The following SLF2 variants were observed in gnomAD, a reference collection of about 807,000 sequenced individuals.
The protein encoded by SLF2 is SMC5/6 complex localization factor 2, also known as SMC5-SMC6 complex localization factor protein 2.
Under a neutral mutation model 124.3 loss-of-function variants are expected in SLF2, and 68 were observed. The ratio of observed to expected loss-of-function variants is 0.55; its 90% CI spans 0.45 to 0.67. The LOEUF is 0.67. Among genes scored for constraint, SLF2 ranks in the 30% least tolerant of loss-of-function variants. The probability of loss-of-function intolerance (pLI) is 0.00; values close to 1 mark genes in which losing one functional copy is unlikely to be tolerated. For synonymous variants in SLF2, 480 were observed against 478.8 expected, an observed-to-expected ratio of 1.00 and a Z score of -0.03; for missense variants, 1,246 against 1,373.7, an observed-to-expected ratio of 0.91 and a Z score of 1.47.
intron 11 of SLF2, chr10:100,943,634 T>C (rs1047793126): frequency 6.4e-6 from 1 of 155,232 alleles, no homozygotes; most frequent in Admixed American, 6.5e-5. Context: ...CTTTTACCTA[T>C]TATGAATTCT....
chr10:100,919,737 G>A (rs1004340919), intron 4 of SLF2, among the ~76,000 whole-genome samples: 12 of 152,218 alleles, frequency 7.9e-5, no homozygotes, highest in Admixed American at 2.6e-4. Context: ...CATTGGACAC[G>A]ATAATAATAG....
chr10:100,958,005 C>T (rs1564786479), intron 18 of SLF2, among the ~76,000 whole-genome samples: 2 of 151,964 alleles, frequency 1.3e-5, no homozygotes, highest in Admixed American at 6.6e-5. Flanking sequence ...GCTGAGATCT[C>T]GACACTGCAC....
At position 100,947,841 on chromosome 10, in the gene SLF2, T is replaced by C; in HGVS notation, c.3114T>C (p.Asn1038=). The change falls in exon 15 of 20, where the codon AAT becomes AAC. Residue 1038 remains asparagine (N), a synonymous_variant. Coordinates refer to ENST00000238961, the MANE Select transcript of SLF2 (RefSeq NM_018121.4). ...ACGAAGATGTTCCTAATGCCAGTAA[T>C]CTGCAGGTATAAATAAATACATTTT... The part of the protein sequence containing the change: ...EKHEDVPNAS[N]LQVSVLHRYL... 1 of 1,606,880 alleles carries C rather than the reference T, an allele frequency of 6.2e-7. No individual in the cohort carries two copies. The highest frequency in any genetic ancestry group is 8.5e-7 in the Non-Finnish European group (1 of 1,174,826).
chr10:100,935,967 T>TC (rs1203367165), intron 9 of SLF2, among the ~76,000 whole-genome samples: 2 of 144,000 alleles, frequency 1.4e-5, no homozygotes, highest in African/African-American at 2.6e-5. Flanking sequence ...CAAGTGATCC[T>TC]CCCCCCTCAG....
chr10:100,954,639 T>G (rs950526576), intron 17 of SLF2, among the ~76,000 whole-genome samples: 3 of 152,126 alleles, frequency 2.0e-5, no homozygotes, highest in African/African-American at 7.2e-5. Context: ...AAAGGTTATC[T>G]TGTTCCTATA....
intron 1 of SLF2, chr10:100,913,691 T>A (rs1341167322): frequency 2.0e-6 from 2 of 1,001,032 alleles, no homozygotes; most frequent in Admixed American, 1.2e-4. Flanking sequence ...ACGAATTACT[T>A]TGTAGTCCAG....
chr10:100,939,457 C>T (rs1351627876), intron 11 of SLF2, among the ~76,000 whole-genome samples: 1 of 151,750 alleles, frequency 6.6e-6, no homozygotes, highest in East Asian at 1.9e-4. Flanking sequence ...GCGGGCGGAT[C>T]ACTTGAGGTC....
chr10:100,959,673 T>C (rs1015270916), intron 19 of SLF2, 177 bp downstream of exon 19: 2 of 1,149,322 alleles, frequency 1.7e-6, no homozygotes. Context: ...GTTTGCTTTA[T>C]ATTCATTAAT....
rs564241715 is a variant in SLF2 at position 100,959,735 on chromosome 10, G to A, written c.3486+239G>A. On this transcript the variant is annotated intron_variant, in intron 19 of 19. Coordinates refer to ENST00000238961, the MANE Select transcript of SLF2 (RefSeq NM_018121.4). The stretch of plus-strand genomic sequence containing the variant: ...TTAAAAATATTGCATTGCATCAAAT[G>A]GAGGTTATTCAATTAAGAGCATTTT... The A allele has an allele frequency of 1.1e-4, 71 of 617,610 alleles. 1 individual carries two copies. The South Asian group carries it at 2.3e-3, about 20-fold the overall frequency. The allele number at this position is 617,610 out of a possible 1,614,324, so 38.3% of individuals were successfully genotyped here.
intron 11 of SLF2, chr10:100,943,768 C>A: frequency 3.0e-6 from 1 of 328,782 alleles, no homozygotes. Context: ...TAGTGTTTGC[C>A]TTGAGTCAGG....
At chr10:100,918,467 T>C in intron 4 of SLF2, 26 bp downstream of exon 4, 1 of 1,476,654 alleles carries the variant, frequency 6.8e-7, no homozygotes. Context: ...AATTTATGGA[T>C]TTCTAAATAA....
rs1564780959 is a variant in SLF2, at chr10:100,944,263, G to GGA, written c.2757+136_2757+137insAG. The stretch of plus-strand genomic sequence containing the variant: ...GTAATCCCAGCACTTTGGGAGGCCA[G>GGA]GGCGGGCAGATCACAAGGTCAGGAG... On this transcript the variant is annotated intron_variant, in intron 12 of 19. Transcript: ENST00000238961. 2.0e-5 allele frequency: 10 copies of GGA among 506,214 alleles called. No individual in the cohort carries two copies. In the East Asian group the frequency reaches 3.6e-4, roughly 18 times the overall value. The allele number at this position is 506,214 out of a possible 1,614,324, so 31.4% of individuals were successfully genotyped here.
chr10:100,935,681 A>G (rs990931114), intron 9 of SLF2, among the ~76,000 whole-genome samples: 1 of 150,696 alleles, frequency 6.6e-6, no homozygotes, highest in Admixed American at 6.6e-5. Context: ...CTCTGTCTCA[A>G]AAAAAAAAGG....
Position 100,944,092 on chromosome 10 carries a change from A to C in SLF2, c.2721A>C (p.Ser907=), listed in dbSNP as rs372163588. 1 of 1,612,770 alleles carries C rather than the reference A, an allele frequency of 6.2e-7. No homozygotes were observed. Residue 907 remains serine, a synonymous_variant, in exon 12 of 20, where the codon TCA becomes TCC. Coordinates refer to ENST00000238961, the MANE Select transcript of SLF2 (RefSeq NM_018121.4). ...ATTCATCTTATAAGCCAATTTTTTCAACACTTCCTGAAACCAACATTTTAA... is the reference window on the plus strand; with the variant it reads ...ATTCATCTTATAAGCCAATTTTTTCCACACTTCCTGAAACCAACATTTTAA... ...SEDSSYKPIF[S]TLPETNILNV... is the part of the protein sequence containing the mutation.
chr10:100,947,826 T>G lies in SLF2; in HGVS notation c.3099T>G (p.Val1033=). The part of the protein sequence containing the change: ...SKLLDEKHED[V]PNASNLQVSV... Reference sequence around the variant, plus strand: ...TTTTGGATGAGAAACACGAAGATGTTCCTAATGCCAGTAATCTGCAGGTAT... The same window carrying G: ...TTTTGGATGAGAAACACGAAGATGTGCCTAATGCCAGTAATCTGCAGGTAT... Residue 1033 remains valine, a synonymous_variant, in exon 15 of 20, where the codon GTT becomes GTG. Transcript: ENST00000238961. The G allele has an allele frequency of 1.2e-6, 2 of 1,611,512 alleles. No individual in the cohort carries two copies. Among genetic ancestry groups the G allele is most frequent in the Non-Finnish European group, 1.7e-6 (2 of 1,178,556 alleles).
chr10:100,928,245 C>CA (rs983690461), intron 6 of SLF2, among the ~76,000 whole-genome samples: 3 of 152,110 alleles, frequency 2.0e-5, no homozygotes, highest in Non-Finnish European at 4.4e-5. Flanking sequence ...ACTAACAGCT[C>CA]AGCTGACTTG....
intron 11 of SLF2, among the ~76,000 whole-genome samples, chr10:100,940,473 C>T (rs1849948196): frequency 6.6e-6 from 1 of 152,144 alleles, no homozygotes; most frequent in South Asian, 2.1e-4. Flanking sequence ...GATCTTCCCA[C>T]CTCAGCCTCC....
In SLF2 at chr10:100,947,750, CT is replaced by C. The variant is rs778843495; in HGVS notation, c.3033-9del. The C allele has an allele frequency of 3.1e-6, 5 of 1,592,462 alleles. No homozygotes were observed. Among genetic ancestry groups the C allele is most frequent in the Non-Finnish European group, 4.3e-6 (5 of 1,164,376 alleles). On this transcript the variant is annotated splice_polypyrimidine_tract_variant and intron_variant, in intron 14 of 19. Coordinates refer to ENST00000238961, the MANE Select transcript of SLF2 (RefSeq NM_018121.4). ...AATACATTCTAAATACTTTTAACTTCTAATTCTAGGCAACTGAGACAGTGCC... is the reference window on the plus strand; with the variant it reads ...AATACATTCTAAATACTTTTAACTTCAATTCTAGGCAACTGAGACAGTGCC...
chr10:100,961,253 G>A (rs557828381), intron 19 of SLF2, among the ~76,000 whole-genome samples: 207 of 151,814 alleles, frequency 1.4e-3, no homozygotes, highest in African/African-American at 4.7e-3. Context: ...CTCGTGATCC[G>A]CCCGCCTCGG....
Sources: allele counts gnomAD v4.1 joint callset (sites outside exome capture counted in the v4.1 genomes callset), GRCh38; gene constraint gnomAD v4.1.1; transcripts MANE v1.5; gene names NCBI Gene and HGNC (gene_info 2026-07-23, HGNC 2026-07-21).